Variants in SPATA31C1 observed in about 807,000 individuals in gnomAD.
SPATA31C1 encodes the protein SPATA31 subfamily C member 1.
At chr9:87,922,610 G>C (rs1261637805) in exon 5 of SPATA31C1, 1 of 1,609,018 alleles carries the variant, frequency 6.2e-7, no homozygotes, top group South Asian at 1.1e-5. Context: ...CAGAGAATTT[G>C]GCTTCTCAAG....
At chr9:87,921,623 C>T in exon 5 of SPATA31C1, 1 of 1,611,980 alleles carries the variant, frequency 6.2e-7, no homozygotes, top group Non-Finnish European at 8.5e-7. Flanking sequence ...TATTAAGACG[C>T]ACAGAGAGGA....
At chr9:87,921,550 C>T (rs762842496) in exon 5 of SPATA31C1, 25 of 1,611,966 alleles carry the variant, frequency 1.6e-5, no homozygotes, top group East Asian at 6.7e-5. Flanking sequence ...GTTCTGGGGG[C>T]GACCTCTGAG....
rs776363940 is a variant in SPATA31C1, at chr9:87,921,706, T to C, written n.2096T>C. The C allele has an allele frequency of 3.1e-6, 5 of 1,612,064 alleles. No individual in the cohort carries two copies. The South Asian group carries it at 5.5e-5, about 18-fold the overall frequency. ...CAGACCAACGAGGGCTTGATCCCCG[T>C]GAGTGTGCGTCGATCCTGGCTTGCT... On this transcript the variant is annotated non_coding_transcript_exon_variant, in exon 5 of 5. Coordinates refer to ENST00000420021, the Ensembl canonical transcript of SPATA31C1.
rs537097011 is a variant in SPATA31C1, at chr9:87,923,178, T to C, written n.3568T>C. 71 of 1,602,800 alleles carry C rather than the reference T, an allele frequency of 4.4e-5. No homozygotes were observed. The Middle Eastern group carries it at 2.5e-3, about 57-fold the overall frequency. ...GAAGGTAAATCAGCAAAGACAGCAG[T>C]TTCAAGCCCCAGTCTGTGGGTTTCC... On this transcript the variant is annotated non_coding_transcript_exon_variant, in exon 5 of 5. Transcript: ENST00000420021.
exon 5 of SPATA31C1, chr9:87,921,711 G>C (rs748389682): frequency 4.3e-6 from 7 of 1,611,942 alleles, no homozygotes; most frequent in Admixed American, 1.7e-5. Flanking sequence ...CCCCGTGAGT[G>C]TGCGTCGATC....
At chr9:87,922,496 T>C (rs1423798642) in exon 5 of SPATA31C1, 2 of 1,610,658 alleles carry the variant, frequency 1.2e-6, no homozygotes, top group Admixed American at 1.7e-5. Flanking sequence ...AGGCTGTTAG[T>C]GAATTTGAGC....
chr9:87,919,751 T>C (rs1828799614), intron 3 of SPATA31C1, among the ~76,000 whole-genome samples, 165 bp from the exon 3 acceptor site: 1 of 129,880 alleles, frequency 7.7e-6, no homozygotes, highest in Non-Finnish European at 1.7e-5. Context: ...GACAAAGCCC[T>C]GTCCTCTATG....
At chr9:87,921,222 G>C (rs1440420364) in exon 5 of SPATA31C1, 1 of 1,611,814 alleles carries the variant, frequency 6.2e-7, no homozygotes, top group African/African-American at 1.3e-5. Flanking sequence ...CCTTCCCCAG[G>C]AAAGACTGAC....
chr9:87,922,137 T>G, exon 5 of SPATA31C1: 1 of 1,613,710 alleles, frequency 6.2e-7, no homozygotes, highest in Non-Finnish European at 8.5e-7. Flanking sequence ...CTCACCTGCA[T>G]GTAAGCAGTT....
chr9:87,922,295 A>G, exon 5 of SPATA31C1: 1 of 1,612,130 alleles, frequency 6.2e-7, no homozygotes, highest in Non-Finnish European at 8.5e-7. Flanking sequence ...TAGGAGCCCA[A>G]TCTTCAAGGG....
intron 2 of SPATA31C1, 185 bp from the exon 2 acceptor site, chr9:87,919,070 C>A (rs1351674987): frequency 3.1e-6 from 3 of 979,496 alleles, no homozygotes; most frequent in African/African-American, 1.7e-5. Flanking sequence ...GCACCCGACC[C>A]CCTCTTCCTG....
At chr9:87,921,788 C>G (rs1440395879) in exon 5 of SPATA31C1, 5 of 1,612,006 alleles carry the variant, frequency 3.1e-6, no homozygotes, top group Non-Finnish European at 4.2e-6. Context: ...ATCTAGCAGC[C>G]CCGAAAAGTA....
At chr9:87,920,502 C>T in exon 5 of SPATA31C1, 1 of 1,613,962 alleles carries the variant, frequency 6.2e-7, no homozygotes, top group South Asian at 1.1e-5. Context: ...CTCCCAGCCA[C>T]CAGAACCTTC....
chr9:87,921,616 T>C lies in SPATA31C1; in HGVS notation n.2006T>C, dbSNP rs759100662. The C allele has an allele frequency of 5.1e-5, 82 of 1,611,886 alleles. 1 individual carries two copies. In the Middle Eastern group the frequency reaches 9.0e-4, roughly 18 times the overall value. ...AGGAGTGACTCAGGAAGTGATTTAT[T>C]AAGACGCACAGAGAGGAATCATATA... On this transcript the variant is annotated non_coding_transcript_exon_variant, in exon 5 of 5. Transcript: ENST00000420021.
In SPATA31C1 at chr9:87,922,984, T is replaced by G. The variant is rs1400934141; in HGVS notation, n.3374T>G. On this transcript the variant is annotated non_coding_transcript_exon_variant, in exon 5 of 5. Coordinates refer to ENST00000420021, the Ensembl canonical transcript of SPATA31C1. ...AACATCAAGCAATTTTTTGAGACGA[T>G]TTTTTCAAAGAAAGAAAGGAAGCCA... 2.9e-6 allele frequency: 4 copies of G among 1,376,316 alleles called. No individual in the cohort carries two copies. The East Asian group carries it at 1.0e-4, about 34-fold the overall frequency. 85.3% of individuals were successfully genotyped at this position (1,376,316 alleles called of 1,614,324 possible). A position where few individuals can be genotyped will look rare whatever the true frequency, so the allele number is the denominator to read the frequency against.
At chr9:87,921,641 A>G (rs183026163) in exon 5 of SPATA31C1, 3 of 1,612,062 alleles carry the variant, frequency 1.9e-6, no homozygotes, top group Non-Finnish European at 2.5e-6. Context: ...GGAATCATAT[A>G]GAAAACATCC....
At chr9:87,921,142 T>G (rs1828852814) in exon 5 of SPATA31C1, 1 of 1,611,786 alleles carries the variant, frequency 6.2e-7, no homozygotes, top group Non-Finnish European at 8.5e-7. Flanking sequence ...AGGAAACAAC[T>G]AGAAGGTGGG....
exon 5 of SPATA31C1, chr9:87,921,910 C>T: frequency 1.9e-6 from 3 of 1,612,038 alleles, no homozygotes; most frequent in Non-Finnish European, 2.5e-6. Context: ...TGGGGTCTAC[C>T]CCTCAGGGTC....
chr9:87,920,193 C>T (rs1828813930), intron 4 of SPATA31C1, 59 bp from the exon 4 acceptor site: 15 of 1,606,792 alleles, frequency 9.3e-6, no homozygotes, highest in African/African-American at 1.3e-5. Context: ...CAAGCGCCCA[C>T]TCTGCCCTCC....
Sources: allele counts gnomAD v4.1 joint callset (sites outside exome capture counted in the v4.1 genomes callset), GRCh38; gene constraint gnomAD v4.1.1; transcripts MANE v1.5; gene names NCBI Gene and HGNC (gene_info 2026-07-23, HGNC 2026-07-21).